Variants in GPR15LG observed in about 807,000 individuals in gnomAD.
The protein encoded by GPR15LG is protein GPR15LG.
the GPR15LG span, chr10:84,176,656 C>T: frequency 4.5e-6 from 4 of 881,780 alleles, no homozygotes; most frequent in East Asian, 1.0e-4. Flanking sequence ...AGCCCCCACC[C>T]ATGGCTGGCA....
At chr10:84,184,781 G>T in the GPR15LG span, 1 of 1,613,536 alleles carries the variant, frequency 6.2e-7, no homozygotes, top group South Asian at 1.1e-5. Context: ...CCCAAAGCAA[G>T]ACTCCAGACA....
the GPR15LG span, chr10:84,174,064 T>C: frequency 1.5e-6 from 1 of 681,966 alleles, no homozygotes; most frequent in Non-Finnish European, 2.6e-6. Context: ...CTCTTTCTCC[T>C]GAACCTATAG....
the GPR15LG span, chr10:84,185,091 G>A: frequency 8.6e-7 from 1 of 1,168,106 alleles, no homozygotes; most frequent in Non-Finnish European, 1.1e-6. Flanking sequence ...TCCTGCTAGA[G>A]TGCAGGGTGG....
the GPR15LG span, among the ~76,000 whole-genome samples, chr10:84,176,044 A>G: frequency 6.6e-6 from 1 of 151,978 alleles, no homozygotes; most frequent in Non-Finnish European, 1.5e-5. Flanking sequence ...ATGCACCAAC[A>G]TGCCAGGCTG....
At chr10:84,181,910 G>A in the GPR15LG span, among the ~76,000 whole-genome samples, 14 of 152,166 alleles carry the variant, frequency 9.2e-5, no homozygotes, top group Admixed American at 4.6e-4. Flanking sequence ...TTCTTTCTAC[G>A]CATCCTGGGG....
the GPR15LG span, among the ~76,000 whole-genome samples, chr10:84,175,975 G>A: frequency 1.8e-3 from 276 of 151,784 alleles, no homozygotes; most frequent in African/African-American, 6.4e-3. Context: ...CACAACCTCC[G>A]CCTCCCGGGT....
chr10:84,179,033 T>A, the GPR15LG span, among the ~76,000 whole-genome samples: 1 of 152,210 alleles, frequency 6.6e-6, no homozygotes, highest in South Asian at 2.1e-4. Flanking sequence ...CTGCTTCCCC[T>A]GTGGACAGAA....
chr10:84,177,703 C>T, the GPR15LG span, among the ~76,000 whole-genome samples: 1 of 152,220 alleles, frequency 6.6e-6, no homozygotes, highest in Non-Finnish European at 1.5e-5. Context: ...AACCAGCTCT[C>T]ACACACCTCT....
the GPR15LG span, chr10:84,176,696 T>A: frequency 1.6e-6 from 1 of 640,670 alleles, no homozygotes; most frequent in Non-Finnish European, 2.8e-6. Flanking sequence ...ACATCTTTGT[T>A]TTGTTGATTA....
chr10:84,178,387 A>G, the GPR15LG span, among the ~76,000 whole-genome samples: 1 of 151,898 alleles, frequency 6.6e-6, no homozygotes, highest in African/African-American at 2.4e-5. Flanking sequence ...AGACACAGAC[A>G]CATACACAAG....
the GPR15LG span, among the ~76,000 whole-genome samples, chr10:84,178,058 TAC>T: frequency 6.7e-6 from 1 of 150,216 alleles, no homozygotes; most frequent in South Asian, 2.1e-4. Flanking sequence ...CACCACACAC[TAC>T]AGACACACAG....
At chr10:84,184,387 A>T in the GPR15LG span, among the ~76,000 whole-genome samples, 1 of 152,142 alleles carries the variant, frequency 6.6e-6, no homozygotes, top group African/African-American at 2.4e-5. Context: ...TCCCAGACCT[A>T]AGGCAGCTTA....
chr10:84,178,388 C>T, the GPR15LG span, among the ~76,000 whole-genome samples: 2 of 151,734 alleles, frequency 1.3e-5, no homozygotes, highest in Non-Finnish European at 2.9e-5. Context: ...GACACAGACA[C>T]ATACACAAGT....
chr10:84,174,738 C>T, the GPR15LG span, among the ~76,000 whole-genome samples: 1 of 152,138 alleles, frequency 6.6e-6, no homozygotes, highest in Non-Finnish European at 1.5e-5. Context: ...AATCCTCCCA[C>T]CTCGGCCTCC....
chr10:84,178,336 TAC>T, the GPR15LG span, among the ~76,000 whole-genome samples: 1 of 150,472 alleles, frequency 6.6e-6, no homozygotes, highest in African/African-American at 2.5e-5. Flanking sequence ...CACACAATCA[TAC>T]ACACATAGAC....
At chr10:84,178,219 A>T in the GPR15LG span, among the ~76,000 whole-genome samples, 104 of 152,070 alleles carry the variant, frequency 6.8e-4, 2 homozygotes, top group South Asian at 0.022. Flanking sequence ...CTCTACACAC[A>T]CACACCACGC....
chr10:84,174,494 CTT>C, the GPR15LG span, among the ~76,000 whole-genome samples: 6 of 98,742 alleles, frequency 6.1e-5, no homozygotes, highest in Admixed American at 2.5e-4. Flanking sequence ...TTTCTTTTTT[CTT>C]TTTTTTTTTT....
the GPR15LG span, among the ~76,000 whole-genome samples, chr10:84,174,718 C>T: frequency 3.7e-3 from 563 of 152,168 alleles, 3 homozygotes; most frequent in Middle Eastern, 0.02. Context: ...TCTTGAACTC[C>T]TAACCTCGTA....
chr10:84,181,945 C>G, the GPR15LG span, among the ~76,000 whole-genome samples: 1 of 152,202 alleles, frequency 6.6e-6, no homozygotes, highest in East Asian at 1.9e-4. Flanking sequence ...TTTGGGAAGA[C>G]TGGGGAGGTC....
Sources: gnomAD v4.1 joint callset for allele counts (sites outside exome capture counted in the v4.1 genomes callset) on GRCh38, gnomAD v4.1.1 for gene constraint, MANE v1.5 for transcripts, NCBI Gene and HGNC (gene_info 2026-07-23, HGNC 2026-07-21) for gene names.